EDIL3: variants seen among roughly 807,000 people sequenced by gnomAD.
EDIL3 encodes EGF-like repeat and discoidin I-like domain-containing protein 3.
In EDIL3, 37 loss-of-function variants were observed where a neutral mutation model predicts 67.4. The observed-to-expected ratio is 0.55, with a 90% CI of 0.42 to 0.72. The LOEUF is 0.72. Ranked by LOEUF, EDIL3 falls within the 30% of genes least tolerant of loss-of-function variation. The pLI, the probability that EDIL3 is intolerant of heterozygous loss-of-function variation, is 0.00. For missense variants in EDIL3, 527 were observed against 586.3 expected (o/e 0.90, Z 1.04); for synonymous variants, 195 against 196.3 (o/e 0.99, Z 0.05).
chr5:84,180,857 TG>T (rs1006524632), intron 3 of EDIL3, among the ~76,000 whole-genome samples: 1 of 152,198 alleles, frequency 6.6e-6, no homozygotes, highest in African/African-American at 2.4e-5. Context: ...GTCTGTCACA[TG>T]TAAAGTACTC....
rs1359462406 is a variant in EDIL3 at position 83,942,037 on chromosome 5, T to C, written c.*1382A>G. 6.6e-6 allele frequency: 1 copy of C among 152,032 alleles called. No homozygotes were observed. The highest frequency in any genetic ancestry group is 1.9e-4 in the East Asian group (1 of 5,164). The allele number at this position is 152,032 out of a possible 1,614,324, so 9.4% of individuals were successfully genotyped here. A position where few individuals can be genotyped will look rare whatever the true frequency, so the allele number is the denominator to read the frequency against. Reference sequence around the variant, plus strand: ...ACACATACCATCCTTTCTTTTCCAATACACTTAATTTAAAACTCCAATAAT... The same window carrying C: ...ACACATACCATCCTTTCTTTTCCAACACACTTAATTTAAAACTCCAATAAT... On this transcript the variant is annotated 3_prime_UTR_variant, in exon 11 of 11. Coordinates refer to ENST00000296591, the MANE Select transcript of EDIL3 (RefSeq NM_005711.5).
chr5:84,056,215 G>A (rs1010493899), intron 9 of EDIL3, among the ~76,000 whole-genome samples: 7 of 151,990 alleles, frequency 4.6e-5, no homozygotes, highest in South Asian at 2.1e-4. Context: ...GCAAACTATC[G>A]CAAGGACAAA....
At chr5:84,039,539 AC>A (rs1746082842) in intron 9 of EDIL3, among the ~76,000 whole-genome samples, 1 of 152,230 alleles carries the variant, frequency 6.6e-6, no homozygotes, top group African/African-American at 2.4e-5. Context: ...CAAAACAATT[AC>A]AGATGAGCAG....
intron 1 of EDIL3, among the ~76,000 whole-genome samples, chr5:84,349,370 T>C (rs976223352): frequency 3.9e-5 from 6 of 152,154 alleles, no homozygotes; most frequent in Non-Finnish European, 7.4e-5. Context: ...TGTAATGAAT[T>C]GATCTAGCAA....
At chr5:84,208,408 G>A (rs1387181212) in intron 3 of EDIL3, among the ~76,000 whole-genome samples, 3 of 151,916 alleles carry the variant, frequency 2.0e-5, no homozygotes, top group Admixed American at 6.6e-5. Flanking sequence ...GGCCAGGCGC[G>A]GTGGCTCACG....
chr5:84,384,605 T>A lies in EDIL3; in HGVS notation c.-231A>T. On this transcript the variant is annotated 5_prime_UTR_variant, in exon 1 of 11. Coordinates refer to ENST00000296591, the MANE Select transcript of EDIL3 (RefSeq NM_005711.5). ...CTGCGCTCCGGCGCGCGGAGGTGGGTGAGCTCCGGGGAGCCGCCGGCGGGC... is the reference window on the plus strand; with the variant it reads ...CTGCGCTCCGGCGCGCGGAGGTGGGAGAGCTCCGGGGAGCCGCCGGCGGGC... 2.8e-6 allele frequency: 1 copy of A among 360,792 alleles called. No homozygotes were observed. Among genetic ancestry groups the A allele is most frequent in the Non-Finnish European group, 4.9e-6 (1 of 203,264 alleles). 22.3% of individuals were successfully genotyped at this position (360,792 alleles called of 1,614,324 possible).
At chr5:84,228,191 C>CA (rs1308341837) in intron 3 of EDIL3, among the ~76,000 whole-genome samples, 2 of 150,116 alleles carry the variant, frequency 1.3e-5, no homozygotes, top group African/African-American at 2.4e-5. Context: ...GAAGAGGCCT[C>CA]AAAAAAAAAG....
At chr5:84,097,115 A>C (rs1747278757) in intron 6 of EDIL3, among the ~76,000 whole-genome samples, 1 of 152,164 alleles carries the variant, frequency 6.6e-6, no homozygotes, top group Admixed American at 6.5e-5. Flanking sequence ...AGACTAATAC[A>C]CCAAGTGACC....
At chr5:84,080,613 GGAAAA>G (rs141592746) in intron 6 of EDIL3, among the ~76,000 whole-genome samples, 52,312 of 151,524 alleles carry the variant, frequency 0.35, 9,205 homozygotes, top group East Asian at 0.45. Flanking sequence ...AAATGTGACT[GGAAAA>G]GAAAAGGTTT....
intron 9 of EDIL3, among the ~76,000 whole-genome samples, chr5:83,982,639 G>C (rs1744988927): frequency 6.6e-6 from 1 of 152,058 alleles, no homozygotes; most frequent in South Asian, 2.1e-4. Flanking sequence ...TCTAGAATAA[G>C]ATTAATAGTA....
At chr5:84,322,982 A>G (rs1746680640) in intron 1 of EDIL3, among the ~76,000 whole-genome samples, 1 of 151,982 alleles carries the variant, frequency 6.6e-6, no homozygotes, top group Non-Finnish European at 1.5e-5. Flanking sequence ...TTCAAACCTA[A>G]AAGAAAAATT....
chr5:84,288,390 A>G (rs1418208188), intron 1 of EDIL3, among the ~76,000 whole-genome samples: 1 of 152,136 alleles, frequency 6.6e-6, no homozygotes, highest in Non-Finnish European at 1.5e-5. Flanking sequence ...TCTTCTCAAC[A>G]TGCAGCAAGA....
intron 1 of EDIL3, among the ~76,000 whole-genome samples, chr5:84,268,497 T>C (rs1304110626): frequency 1.3e-5 from 2 of 152,214 alleles, no homozygotes; most frequent in Non-Finnish European, 2.9e-5. Context: ...GATATCAATA[T>C]ATTTCTAATG....
At chr5:84,052,843 C>T (rs888517116) in intron 9 of EDIL3, among the ~76,000 whole-genome samples, 5 of 152,086 alleles carry the variant, frequency 3.3e-5, no homozygotes, top group African/African-American at 1.2e-4. Context: ...ACTTAGACTC[C>T]CACACAATAA....
At chr5:84,137,097 A>C in intron 5 of EDIL3, 144 bp downstream of exon 5, 1 of 585,008 alleles carries the variant, frequency 1.7e-6, no homozygotes, top group South Asian at 2.8e-5. Flanking sequence ...GAAGGCAAAT[A>C]ATATTGATTT....
intron 1 of EDIL3, among the ~76,000 whole-genome samples, chr5:84,316,597 C>A (rs1043740622): frequency 2.6e-5 from 4 of 152,096 alleles, no homozygotes; most frequent in African/African-American, 9.7e-5. Context: ...CAGGAGCACC[C>A]AGATTCATAA....
intron 5 of EDIL3, among the ~76,000 whole-genome samples, chr5:84,120,869 TA>T (rs529920803): frequency 3.5e-4 from 53 of 151,536 alleles, no homozygotes; most frequent in African/African-American, 1.2e-3. Context: ...AAGCACTAAG[TA>T]AAAAAAATAT....
Position 84,367,415 on chromosome 5 carries a change from G to A in EDIL3, c.67+16893C>T, listed in dbSNP as rs558503799. 3.3e-5 allele frequency among the ~76,000 whole-genome samples: 5 copies of A among 152,218 alleles called. No homozygotes were observed. The South Asian group carries it at 1.0e-3, about 32-fold the overall frequency. On this transcript the variant is annotated intron_variant, in intron 1 of 10. Transcript: ENST00000296591. Reference sequence around the variant, plus strand: ...CAATATAAAGGCAAATAAAATGTGAGAAAACATATTTGCAATACCTCACTT... The same window carrying A: ...CAATATAAAGGCAAATAAAATGTGAAAAAACATATTTGCAATACCTCACTT...
chr5:84,315,270 G>A (rs928158559), intron 1 of EDIL3, among the ~76,000 whole-genome samples: 3 of 152,122 alleles, frequency 2.0e-5, no homozygotes, highest in African/African-American at 7.2e-5. Context: ...CTATAATTAT[G>A]AAAGTTTTAT....
Sources: allele counts gnomAD v4.1 joint callset (sites outside exome capture counted in the v4.1 genomes callset), GRCh38; gene constraint gnomAD v4.1.1; transcripts MANE v1.5; gene names NCBI Gene and HGNC (gene_info 2026-07-23, HGNC 2026-07-21).